Variants in CWC27 observed in about 807,000 individuals in gnomAD.
The protein encoded by CWC27 is CWC27 spliceosome associated cyclophilin, also known as spliceosome-associated protein CWC27 homolog.
A neutral mutation model predicts 63.6 loss-of-function variants in CWC27; 47 were observed. That is an observed-to-expected ratio of 0.74 (90% CI 0.58 to 0.94). The LOEUF is 0.94. CWC27 is among the 40% of genes least tolerant of loss of function. The pLI is 0.00. For missense variants in CWC27, 495 were observed against 554.3 expected, an observed-to-expected ratio of 0.89 and a Z score of 1.07; for synonymous variants, 175 against 179.8, an observed-to-expected ratio of 0.97 and a Z score of 0.22.
intron 11 of CWC27, among the ~76,000 whole-genome samples, chr5:64,903,877 T>C (rs1234220641): frequency 1.3e-5 from 2 of 152,176 alleles, no homozygotes; most frequent in Non-Finnish European, 2.9e-5. Context: ...GTTTTCAGAG[T>C]TTATCCACAT....
intron 11 of CWC27, among the ~76,000 whole-genome samples, chr5:64,888,772 T>A (rs1289775431): frequency 6.6e-6 from 1 of 151,862 alleles, no homozygotes; most frequent in African/African-American, 2.4e-5. Flanking sequence ...CATCTACCAA[T>A]AGATGCTAAA....
Position 65,018,459 on chromosome 5 carries a change from A to G in CWC27, c.*138A>G. 1 of 754,016 alleles carries G rather than the reference A, an allele frequency of 1.3e-6. No homozygotes were observed. The highest frequency in any genetic ancestry group is 2.0e-6 in the Non-Finnish European group (1 of 501,082). The allele number at this position is 754,016 out of a possible 1,614,324, so 46.7% of individuals were successfully genotyped here. A position where few individuals can be genotyped will look rare whatever the true frequency, so the allele number is the denominator to read the frequency against. On this transcript the variant is annotated 3_prime_UTR_variant, in exon 14 of 14. Transcript: ENST00000381070. ...TGTTGTCTGGTTTTGAAAAACAATT[A>G]TCTTGTTTTGCAAATTGTGGAATGA... is the stretch of plus-strand genomic sequence containing the variant.
chr5:65,014,448 AT>A (rs1750016826), intron 13 of CWC27, among the ~76,000 whole-genome samples: 1 of 151,434 alleles, frequency 6.6e-6, no homozygotes, highest in African/African-American at 2.4e-5. Context: ...CCTATGTGAA[AT>A]TTTTTATTAA....
At chr5:64,844,853 C>T in intron 10 of CWC27, 1 of 456,046 alleles carries the variant, frequency 2.2e-6, no homozygotes, top group Non-Finnish European at 4.4e-6. Flanking sequence ...ATGGCTCTAC[C>T]CTGATAGGGA....
intron 11 of CWC27, among the ~76,000 whole-genome samples, chr5:64,935,964 T>C (rs1580736029): frequency 1.3e-5 from 2 of 152,374 alleles, no homozygotes; most frequent in South Asian, 4.1e-4. Flanking sequence ...CCTGAGACTT[T>C]CCTGAAGTTG....
Position 64,971,825 on chromosome 5 carries a change from A to T in CWC27, c.1152+13A>T. Reference sequence around the variant, plus strand: ...CCGGGAAGATCAGGTAACTTCAAAAACCCAAATCCATACAGAACTTATTGT... The same window carrying T: ...CCGGGAAGATCAGGTAACTTCAAAATCCCAAATCCATACAGAACTTATTGT... On this transcript the variant is annotated intron_variant, in intron 12 of 13. Coordinates refer to ENST00000381070, the MANE Select transcript of CWC27 (RefSeq NM_005869.4). The T allele has an allele frequency of 3.9e-6, 6 of 1,542,258 alleles. No homozygotes were observed. The highest frequency in any genetic ancestry group is 5.3e-6 in the Non-Finnish European group (6 of 1,123,906).
At chr5:64,982,404 G>T (rs528108626) in intron 13 of CWC27, among the ~76,000 whole-genome samples, 1 of 152,014 alleles carries the variant, frequency 6.6e-6, no homozygotes, top group South Asian at 2.1e-4. Context: ...GCTCACTCCA[G>T]CCTCAAAGTT....
chr5:64,835,933 G>A (rs1195341192), intron 10 of CWC27, among the ~76,000 whole-genome samples: 1 of 151,740 alleles, frequency 6.6e-6, no homozygotes, highest in African/African-American at 2.4e-5. Context: ...CAATCAAACT[G>A]AAACAAAGAT....
chr5:64,768,921 C>T, upstream of CWC27: 1 of 576,322 alleles, frequency 1.7e-6, no homozygotes, highest in Non-Finnish European at 3.1e-6. Flanking sequence ...AATAACCCTT[C>T]TCAGGGTTAG....
chr5:64,949,260 T>A (rs1236474966), intron 11 of CWC27, among the ~76,000 whole-genome samples: 1 of 152,004 alleles, frequency 6.6e-6, no homozygotes, highest in African/African-American at 2.4e-5. Context: ...GAGCTTAGTG[T>A]TTGTGTATTT....
At chr5:64,915,089 T>C (rs1747865364) in intron 11 of CWC27, among the ~76,000 whole-genome samples, 1 of 152,218 alleles carries the variant, frequency 6.6e-6, no homozygotes, top group Non-Finnish European at 1.5e-5. Context: ...GTTTTGTGTT[T>C]GTTTATTTAG....
intron 13 of CWC27, among the ~76,000 whole-genome samples, chr5:65,004,435 T>C (rs1395569694): frequency 7.1e-6 from 1 of 140,848 alleles, no homozygotes; most frequent in Non-Finnish European, 1.5e-5. Flanking sequence ...TCAAAAGCCA[T>C]GTTTTCAAAT....
chr5:64,971,687 T>C lies in CWC27; in HGVS notation c.1043-16T>C. 1 of 1,540,938 alleles carries C rather than the reference T, an allele frequency of 6.5e-7. No homozygotes were observed. The highest frequency in any genetic ancestry group is 8.8e-7 in the Non-Finnish European group (1 of 1,140,380). ...TATTTTACTGCTTATTCTAAAAATATTCTACTATTCTTTAGAGGAAGAAGC... is the reference window on the plus strand; with the variant it reads ...TATTTTACTGCTTATTCTAAAAATACTCTACTATTCTTTAGAGGAAGAAGC... On this transcript the variant is annotated splice_polypyrimidine_tract_variant and intron_variant, in intron 11 of 13. Transcript: ENST00000381070.
At chr5:64,925,471 G>A (rs1359492058) in intron 11 of CWC27, among the ~76,000 whole-genome samples, 1 of 152,118 alleles carries the variant, frequency 6.6e-6, no homozygotes, top group Non-Finnish European at 1.5e-5. Flanking sequence ...TAGTCCTAGA[G>A]GTCTCAACAA....
At chr5:64,807,334 C>G (rs573142359) in intron 10 of CWC27, among the ~76,000 whole-genome samples, 1 of 152,226 alleles carries the variant, frequency 6.6e-6, no homozygotes, top group East Asian at 1.9e-4. Context: ...TTATTGAGTG[C>G]TTAATATTTA....
At chr5:64,809,170 A>G (rs973862046) in intron 10 of CWC27, among the ~76,000 whole-genome samples, 40 of 152,168 alleles carry the variant, frequency 2.6e-4, no homozygotes, top group Non-Finnish European at 5.4e-4. Context: ...ATTGACAAAT[A>G]GTAATTGTAT....
At chr5:65,016,892 T>G (rs1349338068) in intron 13 of CWC27, among the ~76,000 whole-genome samples, 1 of 152,184 alleles carries the variant, frequency 6.6e-6, no homozygotes, top group Non-Finnish European at 1.5e-5. Flanking sequence ...AGCATCATAT[T>G]TGGGTTTCAT....
intron 11 of CWC27, among the ~76,000 whole-genome samples, chr5:64,926,845 TA>T (rs567507413): frequency 2.4e-3 from 364 of 152,308 alleles, no homozygotes; most frequent in Middle Eastern, 6.8e-3. Flanking sequence ...GAAGCATTCC[TA>T]AAAACTGTTC....
intron 11 of CWC27, among the ~76,000 whole-genome samples, chr5:64,955,083 A>G (rs1234954943): frequency 6.6e-6 from 1 of 152,156 alleles, no homozygotes; most frequent in Non-Finnish European, 1.5e-5. Context: ...TAAAATGAAA[A>G]ATATGATATC....
Sources: gnomAD v4.1 joint callset for allele counts (sites outside exome capture counted in the v4.1 genomes callset) on GRCh38, gnomAD v4.1.1 for gene constraint, MANE v1.5 for transcripts, NCBI Gene and HGNC (gene_info 2026-07-23, HGNC 2026-07-21) for gene names.